The following AP5B1 variants were observed in gnomAD, a reference collection of about 807,000 sequenced individuals.
AP5B1 encodes AP-5 complex subunit beta-1.
A neutral mutation model predicts 5.7 loss-of-function variants in AP5B1; 3 were observed. That is an observed-to-expected ratio of 0.53 (90% CI 0.24 to 1.36). The LOEUF (loss-of-function observed/expected upper bound fraction) is 1.36. Among genes scored for constraint, AP5B1 ranks in the 40% most tolerant of loss-of-function variants. The pLI is 0.17. For synonymous variants in AP5B1, 696 were observed against 555.5 expected (o/e 1.25, Z -3.56); for missense variants, 1,310 against 1,143.2 (o/e 1.15, Z -2.10).
Position 65,777,826 on chromosome 11 carries a change from C to A in AP5B1, c.*30G>T. 1 of 1,476,010 alleles carries A rather than the reference C, an allele frequency of 6.8e-7. No individual in the cohort carries two copies. The highest frequency in any genetic ancestry group is 9.0e-7 in the Non-Finnish European group (1 of 1,111,180). The allele number at this position is 1,476,010 out of a possible 1,614,324, so 91.4% of individuals were successfully genotyped here. A position where few individuals can be genotyped will look rare whatever the true frequency, so the allele number is the denominator to read the frequency against. On this transcript the variant is annotated 3_prime_UTR_variant, in exon 2 of 2. Transcript: ENST00000532090. ...TGTGCCTTGGCCCCCACAAGGGCCA[C>A]AGTCCTGCCCCCACCTGGTCTCCCG...
At position 65,779,356 on chromosome 11, in the gene AP5B1, C is replaced by T. The variant is rs1206345222; in HGVS notation, c.1137G>A (p.Trp379Ter). Reference protein sequence around the residue: ...LHCVLSFPENWPLGPEGEEAA... With the variant: ...LHCVLSFPEN ...CCTCCTCACCTTCAGGGCCCAGCGG[C>T]CAGTTCTCAGGGAAGCTCAGGACGC... The change falls in exon 2 of 2, where the codon TGG becomes TGA. Residue 379 changes from tryptophan (W) to a stop codon, truncating the protein, a stop_gained. Coordinates refer to ENST00000532090, the MANE Select transcript of AP5B1 (RefSeq NM_138368.5). LOFTEE classifies it low-confidence loss of function (END_TRUNC). 4 of 1,593,958 alleles carry T rather than the reference C, an allele frequency of 2.5e-6. No homozygotes were observed. The highest frequency in any genetic ancestry group is 1.1e-5 in the South Asian group (1 of 88,456).
rs1857820267 is a variant in AP5B1, at chr11:65,779,674, C to A, written c.819G>T (p.Gln273His). ...EARELRAAVI[Q>H]LLDTSYLLTP... is the part of the protein sequence containing the mutation. ...TGAGCAGATAGGAGGTGTCCAGAAG[C>A]TGGATCACCGCAGCCCGCAGCTCCC... Residue 273 changes from glutamine (Q) to histidine (H), a missense_variant, in exon 2 of 2, where the codon CAG becomes CAT. Gln to His is a conservative substitution (Grantham distance 24). Transcript: ENST00000532090. 1 of 1,612,264 alleles carries A rather than the reference C, an allele frequency of 6.2e-7. No individual in the cohort carries two copies. The highest frequency in any genetic ancestry group is 1.3e-5 in the African/African-American group (1 of 75,032).
rs555633600 is a variant in AP5B1 at position 65,778,182 on chromosome 11, G to A, written c.2311C>T (p.Pro771Ser). Residue 771 changes from proline (P) to serine (S), a missense_variant, in exon 2 of 2, where the codon CCG becomes TCG. Transcript: ENST00000532090. ...AGCCCGGCCCCCTCTGGAGGCTGCGGGAAAGGCAGAAAGAGGTCGGCAAAG... is the reference window on the plus strand; with the variant it reads ...AGCCCGGCCCCCTCTGGAGGCTGCGAGAAAGGCAGAAAGAGGTCGGCAAAG... ...VNFADLFLPF[P>S]QPPEGAGLGF... 39 of 1,613,162 alleles carry A rather than the reference G, an allele frequency of 2.4e-5. No homozygotes were observed. In the Admixed American group the frequency reaches 6.2e-4, roughly 25 times the overall value.
Position 65,780,718 on chromosome 11 carries a change from A to AGACCAGGGCTCACCCGTTACCG in AP5B1, c.-128_-127insCGGTAACGGGTGAGCCCTGGTC. 1 of 1,041,856 alleles carries AGACCAGGGCTCACCCGTTACCG rather than the reference A, an allele frequency of 9.6e-7. No individual in the cohort carries two copies. Among genetic ancestry groups the AGACCAGGGCTCACCCGTTACCG allele is most frequent in the Non-Finnish European group, 1.2e-6 (1 of 811,050 alleles). 64.5% of individuals were successfully genotyped at this position (1,041,856 alleles called of 1,614,324 possible). A position where few individuals can be genotyped will look rare whatever the true frequency, so the allele number is the denominator to read the frequency against. On this transcript the variant is annotated 5_prime_UTR_variant, in exon 1 of 2. Transcript: ENST00000532090. ...CAGACGCCGCGCAGATGCCGGCGGG[A>AGACCAGGGCTCACCCGTTACCG]CCCGCGCCCGGCTCCCACGGTGAGA...
chr11:65,779,846 G>A lies in AP5B1; in HGVS notation c.647C>T (p.Ser216Phe), dbSNP rs1857823960. 3 of 1,596,952 alleles carry A rather than the reference G, an allele frequency of 1.9e-6. No homozygotes were observed. Among genetic ancestry groups the A allele is most frequent in the Non-Finnish European group, 2.6e-6 (3 of 1,171,480 alleles). Residue 216 changes from serine (S) to phenylalanine (F), a missense_variant, in exon 2 of 2, where the codon TCC becomes TTC. By Grantham distance (155) the Ser-to-Phe change is radical. Coordinates refer to ENST00000532090, the MANE Select transcript of AP5B1 (RefSeq NM_138368.5). ...GLGGLLTDKVSPTGGGPWDWT... is the reference protein window; with the variant it reads ...GLGGLLTDKVFPTGGGPWDWT... ...ATCCCAGGGACCACCCCCAGTTGGG[G>A]AGACCTTATCCGTGAGCAGTCCCCC...
chr11:65,780,183 G>A lies in AP5B1; in HGVS notation c.310C>T (p.Leu104=), dbSNP rs1238492615. ...GGGCCCAGCGCGCCGCCCGCCGCCA[G>A]GGCAGTGGTGGCCGCCAGCAGCAGT... ...RPLLLAATTA[L]AAGGALGPTS... is the part of the protein sequence containing the mutation. Residue 104 remains leucine, a synonymous_variant, in exon 2 of 2, where the codon CTG becomes TTG. Coordinates refer to ENST00000532090, the MANE Select transcript of AP5B1 (RefSeq NM_138368.5). The A allele has an allele frequency of 2.7e-6, 4 of 1,494,946 alleles. No individual in the cohort carries two copies. 92.6% of individuals were successfully genotyped at this position (1,494,946 alleles called of 1,614,324 possible). A position where few individuals can be genotyped will look rare whatever the true frequency, so the allele number is the denominator to read the frequency against.
rs935525591 is a variant in AP5B1, at chr11:65,775,606, G to A, written c.*2250C>T. Among the ~76,000 whole-genome samples the A allele has an allele frequency of 1.3e-5, 2 of 152,150 alleles. No homozygotes were observed. Among genetic ancestry groups the A allele is most frequent in the African/African-American group, 2.4e-5 (1 of 41,426 alleles). On this transcript the variant is annotated 3_prime_UTR_variant, in exon 2 of 2. Transcript: ENST00000532090. ...TCCCAGGGCCCAAGCCCAGCTTCCT[G>A]GGTGCTTACAGGGGATGGCAGGCAG...
In AP5B1 at chr11:65,778,474, G is replaced by A; in HGVS notation, c.2019C>T (p.Val673=). ...GCTTCAACACTGGGAGTGGGCCCTTGACCCGATGGGACCCCAGGCTCAGCC... is the reference window on the plus strand; with the variant it reads ...GCTTCAACACTGGGAGTGGGCCCTTAACCCGATGGGACCCCAGGCTCAGCC... The part of the protein sequence containing the change: ...LVRLSLGSHR[V]KGPLPVLKLQ... The change falls in exon 2 of 2, where the codon GTC becomes GTT. Residue 673 remains valine, a synonymous_variant. Transcript: ENST00000532090. 1 of 1,571,076 alleles carries A rather than the reference G, an allele frequency of 6.4e-7. No individual in the cohort carries two copies. The highest frequency in any genetic ancestry group is 8.6e-7 in the Non-Finnish European group (1 of 1,163,742).
Position 65,778,029 on chromosome 11 carries a change from C to A in AP5B1, c.2464G>T (p.Ala822Ser), listed in dbSNP as rs916853731. 1 of 1,612,548 alleles carries A rather than the reference C, an allele frequency of 6.2e-7. No homozygotes were observed. The highest frequency in any genetic ancestry group is 8.5e-7 in the Non-Finnish European group (1 of 1,179,744). The change falls in exon 2 of 2, where the codon GCC (alanine) becomes TCC (serine). Residue 822 changes from alanine to serine, a missense_variant. Ala to Ser is a moderately conservative substitution (Grantham distance 99). Coordinates refer to ENST00000532090, the MANE Select transcript of AP5B1 (RefSeq NM_138368.5). ...SRHLEPFVVV[A>S]QPPTSYCVAI... ...ACACAGTAGCTGGTAGGAGGCTGGG[C>A]CACCACCACAAAAGGCTCCAGGTGG...
Position 65,778,039 on chromosome 11 carries a change from A to C in AP5B1, c.2454T>G (p.Phe818Leu), listed in dbSNP as rs769723758. The C allele has an allele frequency of 1.2e-6, 2 of 1,612,666 alleles. No homozygotes were observed. Among genetic ancestry groups the C allele is most frequent in the Non-Finnish European group, 1.7e-6 (2 of 1,179,812 alleles). ...TGGTAGGAGGCTGGGCCACCACCAC[A>C]AAAGGCTCCAGGTGGCGGGACACCA... Reference protein sequence around the residue: ...EGLVSRHLEPFVVVAQPPTSY... With the variant: ...EGLVSRHLEPLVVVAQPPTSY... Residue 818 changes from phenylalanine to leucine, a missense_variant, in exon 2 of 2, where the codon TTT becomes TTG. Physicochemically the swap from Phe to Leu is conservative, Grantham distance 22. Coordinates refer to ENST00000532090, the MANE Select transcript of AP5B1 (RefSeq NM_138368.5).
At position 65,775,750 on chromosome 11, in the gene AP5B1, G is replaced by C. The variant is rs954646813; in HGVS notation, c.*2106C>G. 2 of 152,196 alleles carry C rather than the reference G, an allele frequency of 1.3e-5. No homozygotes were observed. Among genetic ancestry groups the C allele is most frequent in the Non-Finnish European group, 2.9e-5 (2 of 68,030 alleles). The allele number at this position is 152,196 out of a possible 1,614,324, so 9.4% of individuals were successfully genotyped here. ...TCCCCTTCTGCCAAAAACAGCTGGA[G>C]AAGTTTCTGTTTCCTGAAACTGACC... is the stretch of plus-strand genomic sequence containing the variant. On this transcript the variant is annotated 3_prime_UTR_variant, in exon 2 of 2. Coordinates refer to ENST00000532090, the MANE Select transcript of AP5B1 (RefSeq NM_138368.5).
Position 65,778,089 on chromosome 11 carries a change from G to C in AP5B1, c.2404C>G (p.Leu802Val), listed in dbSNP as rs946288049. ...AAGCCCTCCAGGCCCTGTGGCCCAA[G>C]TGGACACCACACACGACTCTCAGCA... The part of the protein sequence containing the change: ...EGAESRVWCP[L>V]GPQGLEGLVS... The change falls in exon 2 of 2, where the codon CTT (leucine) becomes GTT (valine). Residue 802 changes from leucine (L) to valine (V), a missense_variant. Coordinates refer to ENST00000532090, the MANE Select transcript of AP5B1 (RefSeq NM_138368.5). The C allele has an allele frequency of 6.2e-7, 1 of 1,612,816 alleles. No individual in the cohort carries two copies.
rs1248648108 is a variant in AP5B1, at chr11:65,775,580, G to A, written c.*2276C>T. On this transcript the variant is annotated 3_prime_UTR_variant, in exon 2 of 2. Coordinates refer to ENST00000532090, the MANE Select transcript of AP5B1 (RefSeq NM_138368.5). ...GGCAGGAGTGGCAGTCCCACCCCAT[G>A]TCCCAGGGCCCAAGCCCAGCTTCCT... Among the ~76,000 whole-genome samples, 1 of 152,180 alleles carries A rather than the reference G, an allele frequency of 6.6e-6. No homozygotes were observed. Among genetic ancestry groups the A allele is most frequent in the Admixed American group, 6.5e-5 (1 of 15,286 alleles).
rs1857779595 is a variant in AP5B1, at chr11:65,777,549, T to C, written c.*307A>G. On this transcript the variant is annotated 3_prime_UTR_variant, in exon 2 of 2. Coordinates refer to ENST00000532090, the MANE Select transcript of AP5B1 (RefSeq NM_138368.5). ...CTCACTCCTGTCACTCTGTCCTCTGTCATGGGAAGATGCAGAAGGGTCCTC... is the reference window on the plus strand; with the variant it reads ...CTCACTCCTGTCACTCTGTCCTCTGCCATGGGAAGATGCAGAAGGGTCCTC... The C allele has an allele frequency of 2.8e-6, 1 of 358,514 alleles. No individual in the cohort carries two copies. Among genetic ancestry groups the C allele is most frequent in the East Asian group, 4.6e-5 (1 of 21,558 alleles). The allele number at this position is 358,514 out of a possible 1,614,324, so 22.2% of individuals were successfully genotyped here. A position where few individuals can be genotyped will look rare whatever the true frequency, so the allele number is the denominator to read the frequency against.
rs781439955 is a variant in AP5B1 at position 65,779,385 on chromosome 11, G to C, written c.1108C>G (p.His370Asp). 6 of 1,600,672 alleles carry C rather than the reference G, an allele frequency of 3.7e-6. No homozygotes were observed. In the South Asian group the frequency reaches 4.5e-5, roughly 12 times the overall value. The change falls in exon 2 of 2, where the codon CAC becomes GAC. Residue 370 changes from histidine to aspartate, a missense_variant. By Grantham distance (81) the His-to-Asp change is moderately conservative. Transcript: ENST00000532090. ...LPPPTHLFYL[H>D]CVLSFPENWP... is the part of the protein sequence containing the mutation. Reference sequence around the variant, plus strand: ...TTCTCAGGGAAGCTCAGGACGCAGTGAAGGTAAAAGAGATGGGTGGGCGGA... The same window carrying C: ...TTCTCAGGGAAGCTCAGGACGCAGTCAAGGTAAAAGAGATGGGTGGGCGGA...
Position 65,779,050 on chromosome 11 carries a change from C to A in AP5B1, c.1443G>T (p.Thr481=). Residue 481 remains threonine (T), a synonymous_variant, in exon 2 of 2, where the codon ACG becomes ACT. Transcript: ENST00000532090. ...LVACCLAGQP[T]VLTPLIHGLA... Reference sequence around the variant, plus strand: ...GTCCGTGGATCAAGGGGGTCAGCACCGTAGGTTGCCCAGCCAGGCAGCAGG... The same window carrying A: ...GTCCGTGGATCAAGGGGGTCAGCACAGTAGGTTGCCCAGCCAGGCAGCAGG... 1 of 1,606,976 alleles carries A rather than the reference C, an allele frequency of 6.2e-7. No homozygotes were observed. Among genetic ancestry groups the A allele is most frequent in the African/African-American group, 1.3e-5 (1 of 74,988 alleles).
rs1590990124 is a variant in AP5B1 at position 65,777,998 on chromosome 11, A to G, written c.2495T>C (p.Ile832Thr). Residue 832 changes from isoleucine to threonine, a missense_variant, in exon 2 of 2, where the codon ATC becomes ACC. Physicochemically the swap from Ile to Thr is moderately conservative, Grantham distance 89. Coordinates refer to ENST00000532090, the MANE Select transcript of AP5B1 (RefSeq NM_138368.5). ...AQPPTSYCVA[I>T]HLPPDSKLLL... is the part of the protein sequence containing the mutation. ...CAGCTTTGAGTCCGGGGGCAGGTGG[A>G]TTGCTACACAGTAGCTGGTAGGAGG... 6.2e-7 allele frequency: 1 copy of G among 1,611,884 alleles called. No homozygotes were observed. Among genetic ancestry groups the G allele is most frequent in the Non-Finnish European group, 8.5e-7 (1 of 1,179,504 alleles).
chr11:65,776,786 T>G lies in AP5B1; in HGVS notation c.*1070A>C, dbSNP rs1298923545. 2 of 152,248 alleles carry G rather than the reference T, an allele frequency of 1.3e-5. No homozygotes were observed. Among genetic ancestry groups the G allele is most frequent in the Non-Finnish European group, 2.9e-5 (2 of 68,056 alleles). 9.4% of individuals were successfully genotyped at this position (152,248 alleles called of 1,614,324 possible). On this transcript the variant is annotated 3_prime_UTR_variant, in exon 2 of 2. Transcript: ENST00000532090. ...TCTGGCTTAGGCCCACTGGCCTGCC[T>G]GGCGTGAGCTCCCTGGGGCAGGGAG...
In AP5B1 at chr11:65,774,753, C is replaced by T. The variant is rs1857745913; in HGVS notation, c.*3103G>A. 6.6e-6 allele frequency among the ~76,000 whole-genome samples: 1 copy of T among 152,196 alleles called. No homozygotes were observed. Among genetic ancestry groups the T allele is most frequent in the Admixed American group, 6.5e-5 (1 of 15,274 alleles). On this transcript the variant is annotated 3_prime_UTR_variant, in exon 2 of 2. Transcript: ENST00000532090. Reference sequence around the variant, plus strand: ...CATTAGCCAGAGCTGGGCTTGTGGCCAGACCTGCCTTGAAGGAGGCAAGGA... The same window carrying T: ...CATTAGCCAGAGCTGGGCTTGTGGCTAGACCTGCCTTGAAGGAGGCAAGGA...
Sources: allele counts gnomAD v4.1 joint callset (sites outside exome capture counted in the v4.1 genomes callset), GRCh38; gene constraint gnomAD v4.1.1; transcripts MANE v1.5; gene names NCBI Gene and HGNC (gene_info 2026-07-23, HGNC 2026-07-21).